The following PROX2 variants were observed in gnomAD, a reference collection of about 807,000 sequenced individuals.
PROX2 encodes prospero homeobox protein 2.
A neutral mutation model predicts 48.9 loss-of-function variants in PROX2; 46 were observed. The observed-to-expected ratio is 0.94, with a 90% CI of 0.74 to 1.20. PROX2 has a LOEUF of 1.20. Ranked by LOEUF, PROX2 falls within the 50% of genes most tolerant of loss-of-function variation. The pLI, the probability that PROX2 is intolerant of heterozygous loss-of-function variation, is 0.00. For missense variants in PROX2, 663 were observed against 719.4 expected, an observed-to-expected ratio of 0.92 and a Z score of 0.90; for synonymous variants, 260 against 276.6, an observed-to-expected ratio of 0.94 and a Z score of 0.60.
rs774378185 is a variant in PROX2 at position 74,863,400 on chromosome 14, A to T, written c.435T>A (p.His145Gln). 1.2e-6 allele frequency: 2 copies of T among 1,613,616 alleles called. No individual in the cohort carries two copies. The highest frequency in any genetic ancestry group is 1.7e-6 in the Non-Finnish European group (2 of 1,179,678). ...CAGCCTGTAGGATGTGCTCTTGCAGATGTCTTAGCTGTTGCTTCAGCAGAT... is the reference window on the plus strand; with the variant it reads ...CAGCCTGTAGGATGTGCTCTTGCAGTTGTCTTAGCTGTTGCTTCAGCAGAT... ...QLHLLKQQLR[H>Q]LQEHILQAAK... Residue 145 changes from histidine to glutamine, a missense_variant, in exon 3 of 6, where the codon CAT becomes CAA. His to Gln is a conservative substitution (Grantham distance 24). Transcript: ENST00000556489.
intron 1 of PROX2, chr14:74,874,204 A>G (rs1026518500): frequency 6.8e-6 from 3 of 440,074 alleles, no homozygotes; most frequent in Non-Finnish European, 1.3e-5. Flanking sequence ...GGAAATCAAG[A>G]TAGATATGAT....
rs2091810679 is a variant in PROX2, at chr14:74,863,103, CT to C, written c.731del (p.Lys244ArgfsTer10). On this transcript the variant is annotated frameshift_variant, in exon 3 of 6. Coordinates refer to ENST00000556489, the MANE Select transcript of PROX2 (RefSeq NM_001243007.2). LOFTEE classifies it high-confidence loss of function. Reference sequence around the variant, plus strand: ...GGTGGCCTGGTGGATCCAATAGTACCTTTTGTAATACCGAGTCCACAGCCTG... The same window carrying C: ...GGTGGCCTGGTGGATCCAATAGTACCTTTGTAATACCGAGTCCACAGCCTG... Reference protein sequence around the residue: ...VSQAVDSVLQKVLLDPPGHLT... With the variant: ...VSQAVDSVLQXVLLDPPGHLT... The C allele has an allele frequency of 6.2e-7, 1 of 1,613,882 alleles. No individual in the cohort carries two copies.
intron 1 of PROX2, chr14:74,874,072 G>A: frequency 1.9e-6 from 1 of 525,346 alleles, no homozygotes; most frequent in Admixed American, 2.0e-5. Flanking sequence ...CGCCTTTTGG[G>A]ACCAAAAATA....
At chr14:74,858,236 T>A in intron 4 of PROX2, 171 bp downstream of exon 4, 1 of 512,862 alleles carries the variant, frequency 1.9e-6, no homozygotes, top group Non-Finnish European at 3.5e-6. Flanking sequence ...CTAAAGTTAT[T>A]CACGGTTATT....
rs763438446 is a variant in PROX2 at position 74,862,528 on chromosome 14, A to T, written c.1305+2T>A. ...AGAACTTCAATTGCTATTAAAGGAT[A>T]TGTGGACCAAAGAGAAAGGCAGTGC... On this transcript the variant is annotated splice_donor_variant, in intron 3 of 5. Transcript: ENST00000556489. LOFTEE classifies it high-confidence loss of function. The T allele has an allele frequency of 6.8e-6, 11 of 1,610,786 alleles. No individual in the cohort carries two copies. In the African/African-American group the frequency reaches 9.3e-5, roughly 14 times the overall value.
At chr14:74,873,174 G>A (rs1034457333) in intron 1 of PROX2, among the ~76,000 whole-genome samples, 32 of 152,030 alleles carry the variant, frequency 2.1e-4, no homozygotes, top group African/African-American at 3.6e-4. Context: ...TAGTAGAGGC[G>A]GGGTTTCACC....
chr14:74,863,602 G>T lies in PROX2; in HGVS notation c.233C>A (p.Ser78Tyr). Residue 78 changes from serine (S) to tyrosine (Y), a missense_variant, in exon 3 of 6, where the codon TCC becomes TAC. Transcript: ENST00000556489. ...ATTGCCTGGCACCAGAGGATTCGGG[G>T]AGAGACACATGCCTCGGACAATGGT... ...VETIVRGMCL[S>Y]PNPLVPGNAQ... 1 of 1,609,104 alleles carries T rather than the reference G, an allele frequency of 6.2e-7. No homozygotes were observed. Among genetic ancestry groups the T allele is most frequent in the Non-Finnish European group, 8.5e-7 (1 of 1,177,558 alleles).
intron 2 of PROX2, among the ~76,000 whole-genome samples, chr14:74,868,786 C>T (rs973257504): frequency 6.6e-6 from 1 of 151,536 alleles, no homozygotes; most frequent in African/African-American, 2.4e-5. Context: ...TGCAGTGAGC[C>T]GAGATCACGC....
intron 1 of PROX2, among the ~76,000 whole-genome samples, chr14:74,872,424 C>T (rs1484737839): frequency 6.6e-6 from 1 of 152,168 alleles, no homozygotes; most frequent in African/African-American, 2.4e-5. Context: ...GAGGAAAATG[C>T]CTTATCCTGA....
chr14:74,874,691 A>T (rs1883297102), intron 1 of PROX2, among the ~76,000 whole-genome samples: 1 of 152,226 alleles, frequency 6.6e-6, no homozygotes, highest in Non-Finnish European at 1.5e-5. Flanking sequence ...AAAAAATGAA[A>T]CGAAGAGGAA....
chr14:74,861,137 TG>T, intron 3 of PROX2: 1 of 1,117,028 alleles, frequency 9.0e-7, no homozygotes, highest in Non-Finnish European at 1.2e-6. Context: ...GGTTCTGGCA[TG>T]GTAATGAGCT....
chr14:74,870,096 TG>T lies in PROX2; in HGVS notation c.-175+1006del, dbSNP rs200164593. 6.0e-5 allele frequency among the ~76,000 whole-genome samples: 9 copies of T among 150,538 alleles called. No homozygotes were observed. In the South Asian group the frequency reaches 1.7e-3, roughly 28 times the overall value. On this transcript the variant is annotated intron_variant, in intron 2 of 5. Transcript: ENST00000556489. ...GTAACATTATTTTATAAAACTGGAG[TG>T]GGGGGGTAAGAGAAAATTAGATATT...
intron 2 of PROX2, among the ~76,000 whole-genome samples, chr14:74,867,607 C>T (rs1333475717): frequency 6.6e-6 from 1 of 152,198 alleles, no homozygotes; most frequent in African/African-American, 2.4e-5. Context: ...ATAGACAATA[C>T]TTTATTTCAG....
intron 2 of PROX2, among the ~76,000 whole-genome samples, chr14:74,865,773 G>C (rs1024002969): frequency 6.6e-6 from 1 of 151,800 alleles, no homozygotes; most frequent in African/African-American, 2.4e-5. Flanking sequence ...AGAGGTTGCA[G>C]TGAGCCGAGA....
intron 4 of PROX2, chr14:74,857,245 T>C: frequency 5.2e-6 from 2 of 382,696 alleles, no homozygotes; most frequent in Non-Finnish European, 9.4e-6. Context: ...TTATGGGGGT[T>C]GTTTTACCCA....
chr14:74,863,159 G>C lies in PROX2; in HGVS notation c.676C>G (p.Leu226Val), dbSNP rs2091811668. The change falls in exon 3 of 6, where the codon CTG (leucine) becomes GTG (valine). Residue 226 changes from leucine to valine, a missense_variant. Transcript: ENST00000556489. ...PSGAPASLEI[L>V]RKELTRAVSQ... ...ACTGCCCTGGTCAGCTCTTTCCTCA[G>C]AATCTCTAGTGAAGCTGGTGCTCCA... 2 of 1,613,952 alleles carry C rather than the reference G, an allele frequency of 1.2e-6. No individual in the cohort carries two copies. The highest frequency in any genetic ancestry group is 2.7e-5 in the African/African-American group (2 of 74,950).
Position 74,863,992 on chromosome 14 carries a change from A to C in PROX2, c.-158T>G, listed in dbSNP as rs936294220. The stretch of plus-strand genomic sequence containing the variant: ...GATTCTGGGATGCCAGGGCTCATGA[A>C]CCTCCTGGGCAGACTCCTGAAATTA... On this transcript the variant is annotated 5_prime_UTR_variant, in exon 3 of 6. Transcript: ENST00000556489. 1.9e-4 allele frequency: 166 copies of C among 888,600 alleles called. No homozygotes were observed. Among genetic ancestry groups the C allele is most frequent in the Non-Finnish European group, 2.5e-4 (164 of 660,402 alleles). The allele number at this position is 888,600 out of a possible 1,614,324, so 55.0% of individuals were successfully genotyped here.
At chr14:74,862,227 T>C (rs1010987386) in intron 3 of PROX2, among the ~76,000 whole-genome samples, 3 of 148,166 alleles carry the variant, frequency 2.0e-5, no homozygotes, top group African/African-American at 7.4e-5. Flanking sequence ...TATTGAAACA[T>C]TGTCTCTCTC....
intron 5 of PROX2, 148 bp from the exon 6 acceptor site, chr14:74,855,450 G>C (rs568449329): frequency 2.1e-6 from 1 of 479,164 alleles, no homozygotes; most frequent in African/African-American, 1.9e-5. Flanking sequence ...TGCAACCCTA[G>C]GACTCCTCTG....
Sources: gnomAD v4.1 joint callset for allele counts (sites outside exome capture counted in the v4.1 genomes callset) on GRCh38, gnomAD v4.1.1 for gene constraint, MANE v1.5 for transcripts, NCBI Gene and HGNC (gene_info 2026-07-23, HGNC 2026-07-21) for gene names.